HS3ST4: variants seen among roughly 807,000 people sequenced by gnomAD.
The protein encoded by HS3ST4 is heparan sulfate glucosamine 3-O-sulfotransferase 4.
A neutral mutation model predicts 29.2 loss-of-function variants in HS3ST4; 17 were observed. The observed-to-expected ratio is 0.58, with a 90% CI of 0.40 to 0.87. HS3ST4 has a LOEUF of 0.87. HS3ST4 is among the 40% of genes least tolerant of loss of function. The pLI is 0.00. For missense variants in HS3ST4, 627 were observed against 634.5 expected, an observed-to-expected ratio of 0.99 and a Z score of 0.13; for synonymous variants, 314 against 285.7, an observed-to-expected ratio of 1.10 and a Z score of -1.00.
At chr16:25,896,577 G>C (rs1460149354) in intron 1 of HS3ST4, among the ~76,000 whole-genome samples, 2 of 152,306 alleles carry the variant, frequency 1.3e-5, no homozygotes, top group East Asian at 3.9e-4. Flanking sequence ...AGCCACTGTG[G>C]AGAGGGGAGA....
chr16:26,093,312 C>A (rs1898880248), intron 1 of HS3ST4, among the ~76,000 whole-genome samples: 1 of 127,590 alleles, frequency 7.8e-6, no homozygotes, highest in Non-Finnish European at 1.7e-5. Flanking sequence ...CCCTGTGTAG[C>A]CTAACTGGGA....
chr16:25,876,057 T>C (rs766813729), intron 1 of HS3ST4, among the ~76,000 whole-genome samples: 1 of 152,172 alleles, frequency 6.6e-6, no homozygotes, highest in Non-Finnish European at 1.5e-5. Flanking sequence ...ACCTCCACGA[T>C]GATGCCCAAA....
chr16:25,743,811 A>T (rs1213940896), intron 1 of HS3ST4, among the ~76,000 whole-genome samples: 2 of 152,106 alleles, frequency 1.3e-5, no homozygotes, highest in African/African-American at 4.8e-5. Context: ...TGGCCATTTG[A>T]TGGATCTTAT....
At chr16:25,714,337 A>G (rs537440311) in intron 1 of HS3ST4, among the ~76,000 whole-genome samples, 1 of 152,318 alleles carries the variant, frequency 6.6e-6, no homozygotes, top group Admixed American at 6.5e-5. Context: ...TGTCTGATTA[A>G]TACAGTAGAT....
chr16:26,064,610 CTTTTTTTT>C (rs869047078), intron 1 of HS3ST4, among the ~76,000 whole-genome samples: 1 of 88,962 alleles, frequency 1.1e-5, no homozygotes, highest in South Asian at 4.8e-4. Context: ...GGATTGTAGT[CTTTTTTTT>C]TTTTTTTTTT....
chr16:25,712,082 T>C (rs1048912887), intron 1 of HS3ST4, among the ~76,000 whole-genome samples: 1 of 152,194 alleles, frequency 6.6e-6, no homozygotes, highest in Non-Finnish European at 1.5e-5. Context: ...ACTTTTACGT[T>C]TATAAAAATG....
chr16:26,123,998 G>C (rs1053905695), intron 1 of HS3ST4, among the ~76,000 whole-genome samples: 1 of 151,124 alleles, frequency 6.6e-6, no homozygotes, highest in Non-Finnish European at 1.5e-5. Flanking sequence ...TCAGCTTACC[G>C]CAACTTGCGG....
At chr16:25,873,717 T>C (rs2141660946) in intron 1 of HS3ST4, among the ~76,000 whole-genome samples, 1 of 149,278 alleles carries the variant, frequency 6.7e-6, no homozygotes, top group Admixed American at 6.7e-5. Flanking sequence ...TCTGTCCATC[T>C]ATCCATCCAT....
intron 1 of HS3ST4, among the ~76,000 whole-genome samples, chr16:25,999,564 A>G (rs1969187004): frequency 6.6e-6 from 1 of 151,020 alleles, no homozygotes; most frequent in Admixed American, 6.6e-5. Context: ...GTAAATTGCC[A>G]TGTATCTTGT....
intron 1 of HS3ST4, among the ~76,000 whole-genome samples, chr16:25,696,437 C>G (rs1407221650): frequency 6.6e-6 from 1 of 152,166 alleles, no homozygotes; most frequent in African/African-American, 2.4e-5. Context: ...GTAACCATGA[C>G]CACTTTACAC....
chr16:26,046,335 G>A (rs12325058), intron 1 of HS3ST4, among the ~76,000 whole-genome samples: 1 of 152,042 alleles, frequency 6.6e-6, no homozygotes, highest in African/African-American at 2.4e-5. Context: ...GTTTTTAGTA[G>A]AGACAGGTTT....
chr16:26,108,360 T>G (rs117360209), intron 1 of HS3ST4, among the ~76,000 whole-genome samples: 6,950 of 152,306 alleles, frequency 0.046, 236 homozygotes, highest in Middle Eastern at 0.12. Flanking sequence ...ATCAGGGAGC[T>G]CACTTTTCAG....
intron 1 of HS3ST4, among the ~76,000 whole-genome samples, chr16:25,951,783 AC>A (rs1689717061): frequency 6.6e-6 from 1 of 152,132 alleles, no homozygotes; most frequent in African/African-American, 2.4e-5. Flanking sequence ...TTTCCCAGAC[AC>A]TTTTCTAGAC....
At chr16:25,944,078 C>A (rs28508430) in intron 1 of HS3ST4, among the ~76,000 whole-genome samples, 22,853 of 152,050 alleles carry the variant, frequency 0.15, 1,845 homozygotes, top group Middle Eastern at 0.2. Context: ...CCTCTCTTGT[C>A]CCTAGTTGCT....
At chr16:26,072,148 C>A (rs1046851932) in intron 1 of HS3ST4, among the ~76,000 whole-genome samples, 12 of 152,178 alleles carry the variant, frequency 7.9e-5, no homozygotes, top group African/African-American at 2.7e-4. Flanking sequence ...CCATAAGGGG[C>A]CACTTACTTG....
intron 1 of HS3ST4, among the ~76,000 whole-genome samples, chr16:26,094,889 A>T (rs1898903649): frequency 6.6e-6 from 1 of 152,170 alleles, no homozygotes; most frequent in Non-Finnish European, 1.5e-5. Flanking sequence ...GCAAAGATGC[A>T]CATAGGCTCA....
chr16:25,845,958 A>G (rs539123304), intron 1 of HS3ST4, among the ~76,000 whole-genome samples: 19 of 152,078 alleles, frequency 1.2e-4, no homozygotes, highest in African/African-American at 4.6e-4. Context: ...TTATTATGTT[A>G]CTGTTCGTAT....
intron 1 of HS3ST4, among the ~76,000 whole-genome samples, chr16:26,091,139 T>C (rs7202280): frequency 0.54 from 82,090 of 152,022 alleles, 22,897 homozygotes; most frequent in African/African-American, 0.67. Flanking sequence ...AATATGCAGA[T>C]ATCTGCACAT....
intron 1 of HS3ST4, among the ~76,000 whole-genome samples, chr16:25,837,928 C>G (rs946348075): frequency 6.6e-6 from 1 of 152,098 alleles, no homozygotes; most frequent in Admixed American, 6.6e-5. Flanking sequence ...GAACCCACCT[C>G]CCTCTCCCCC....
Sources: allele counts gnomAD v4.1 joint callset (sites outside exome capture counted in the v4.1 genomes callset), GRCh38; gene constraint gnomAD v4.1.1; transcripts MANE v1.5; gene names NCBI Gene and HGNC (gene_info 2026-07-23, HGNC 2026-07-21).